PCDH7: variants seen among roughly 807,000 people sequenced by gnomAD.
PCDH7 encodes the protein protocadherin 7, also known as protocadherin-7.
PCDH7 carries 17 observed loss-of-function variants against 58.9 expected under a neutral mutation model. That is an observed-to-expected ratio of 0.29 (90% CI 0.20 to 0.43). The LOEUF (loss-of-function observed/expected upper bound fraction) is 0.43. Among genes scored for constraint, PCDH7 ranks in the 20% least tolerant of loss-of-function variants. The pLI is 1.00. For missense variants in PCDH7, 1,274 were observed against 1,441.0 expected (o/e 0.88, Z 1.88); for synonymous variants, 664 against 616.4 (o/e 1.08, Z -1.14).
At chr4:31,139,997 A>G (rs1720053081) in intron 3 of PCDH7, among the ~76,000 whole-genome samples, 1 of 152,220 alleles carries the variant, frequency 6.6e-6, no homozygotes, top group Admixed American at 6.5e-5. Flanking sequence ...GTTAAAAGCA[A>G]TAGAGGAAAT....
At position 30,946,114 on chromosome 4, in the gene PCDH7, A is replaced by G. The variant is rs12500942; in HGVS notation, c.288-4006A>G. 6.2e-3 allele frequency among the ~76,000 whole-genome samples: 949 copies of G among 152,176 alleles called. 31 individuals carry two copies. Among genetic ancestry groups the G allele is most frequent in the Admixed American group, 0.046 (710 of 15,274 alleles). On this transcript the variant is annotated intron_variant, in intron 2 of 3. Coordinates refer to the PCDH7 transcript ENST00000509759. ...TTCGAGAGTCAGACCCAGAATGAAA[A>G]TCTCTGATTTTTCCAATTGTAAGAG...
intron 3 of PCDH7, among the ~76,000 whole-genome samples, chr4:30,966,106 T>TA (rs1425295771): frequency 2.0e-5 from 3 of 152,194 alleles, no homozygotes; most frequent in Non-Finnish European, 4.4e-5. Flanking sequence ...AAGGGCTGCT[T>TA]AAATCAAAGG....
At chr4:30,992,822 G>A (rs1190730257) in intron 3 of PCDH7, among the ~76,000 whole-genome samples, 2 of 124,666 alleles carry the variant, frequency 1.6e-5, no homozygotes, top group Non-Finnish European at 3.2e-5. Context: ...TTTTTTTGAC[G>A]GAGTCTTGCT....
intron 1 of PCDH7, among the ~76,000 whole-genome samples, chr4:30,812,984 C>A (rs892064245): frequency 6.6e-6 from 1 of 152,182 alleles, no homozygotes; most frequent in Admixed American, 6.5e-5. Context: ...GTTGTTAACA[C>A]ATCTAGGGAG....
chr4:30,764,307 G>T (rs1462954755), intron 1 of PCDH7, among the ~76,000 whole-genome samples: 1 of 152,116 alleles, frequency 6.6e-6, no homozygotes, highest in Non-Finnish European at 1.5e-5. Flanking sequence ...AGATCAAGGT[G>T]CAATGCGTTT....
intron 1 of PCDH7, among the ~76,000 whole-genome samples, chr4:30,725,585 CAA>C (rs1328979395): frequency 6.6e-6 from 1 of 152,008 alleles, no homozygotes; most frequent in Non-Finnish European, 1.5e-5. Context: ...GTATATCTAC[CAA>C]AGTTTGCCAC....
At chr4:30,970,607 A>G (rs1367749132) in intron 3 of PCDH7, among the ~76,000 whole-genome samples, 1 of 152,174 alleles carries the variant, frequency 6.6e-6, no homozygotes, top group Non-Finnish European at 1.5e-5. Context: ...GATACCTTTT[A>G]AATATCAGAC....
At chr4:31,100,047 C>G (rs750906660) in intron 3 of PCDH7, among the ~76,000 whole-genome samples, 11 of 152,124 alleles carry the variant, frequency 7.2e-5, no homozygotes, top group Non-Finnish European at 7.4e-5. Context: ...GAGTATGGCT[C>G]TCACTCTTTC....
At chr4:31,027,897 T>C (rs1357223040) in intron 3 of PCDH7, among the ~76,000 whole-genome samples, 1 of 152,228 alleles carries the variant, frequency 6.6e-6, no homozygotes, top group Non-Finnish European at 1.5e-5. Flanking sequence ...GCTTATCCTT[T>C]ATTGGTATTT....
chr4:31,080,698 GA>G (rs1759428552), intron 3 of PCDH7, among the ~76,000 whole-genome samples: 1 of 152,172 alleles, frequency 6.6e-6, no homozygotes, highest in Admixed American at 6.5e-5. Context: ...GCTATAAAAT[GA>G]AGAGTAAACT....
At chr4:30,918,761 T>A (rs1233944847) in intron 1 of PCDH7, among the ~76,000 whole-genome samples, 2 of 152,122 alleles carry the variant, frequency 1.3e-5, no homozygotes, top group African/African-American at 4.8e-5. Context: ...AATAAGTACA[T>A]GAATTGTGAG....
In PCDH7 at chr4:30,721,996, G is replaced by C. The variant is rs1268628175; in HGVS notation, c.574G>C (p.Gly192Arg). 3.1e-6 allele frequency: 4 copies of C among 1,291,140 alleles called. No homozygotes were observed. The highest frequency in any genetic ancestry group is 3.9e-6 in the Non-Finnish European group (4 of 1,021,850). 80.0% of individuals were successfully genotyped at this position (1,291,140 alleles called of 1,614,324 possible). The change falls in exon 1 of 2, where the codon GGC (glycine) becomes CGC (arginine). Residue 192 changes from glycine to arginine, a missense_variant. By Grantham distance (125) the Gly-to-Arg change is moderately radical. Around this residue, in one of 3 missense-constraint regions of PCDH7, gnomAD observed 331 missense variants for 303.2 expected, o/e 1.09. Coordinates refer to ENST00000361762, the Ensembl canonical transcript of PCDH7. The surrounding 1 kb of genome is among the most constrained non-coding windows in gnomAD (Gnocchi z 6.7). ...CCAGGAGCCCGGAGGCGGCGGCAGC[G>C]GCGGCGAGAGCCGGCGCGCCGGGGC...
chr4:30,960,817 C>T (rs989315484), intron 3 of PCDH7, among the ~76,000 whole-genome samples: 1 of 152,090 alleles, frequency 6.6e-6, no homozygotes, highest in Non-Finnish European at 1.5e-5. Context: ...GAGAAAATAA[C>T]ACTAGGACTA....
intron 1 of PCDH7, among the ~76,000 whole-genome samples, chr4:30,837,273 C>A (rs1730601046): frequency 6.6e-6 from 1 of 152,010 alleles, no homozygotes; most frequent in Non-Finnish European, 1.5e-5. Flanking sequence ...TGGTAATGCC[C>A]TTTTAACGTT....
At chr4:30,735,030 G>T (rs563649316), downstream of PCDH7, among the ~76,000 whole-genome samples, 10 of 152,062 alleles carry the variant, frequency 6.6e-5, no homozygotes, top group African/African-American at 1.9e-4. Context: ...CTTCTCCTTG[G>T]TGGTGTAAGC....
rs538812057 is a variant in PCDH7 at position 31,090,308 on chromosome 4, A to C, written c.*8-52165A>C. Reference sequence around the variant, plus strand: ...TTTTGTGGGTACATAGTAGATGTATACATTTATGAGGTACATGAGATATTT... The same window carrying C: ...TTTTGTGGGTACATAGTAGATGTATCCATTTATGAGGTACATGAGATATTT... On this transcript the variant is annotated intron_variant, in intron 3 of 3. Coordinates refer to the PCDH7 transcript ENST00000509759. 2.0e-5 allele frequency among the ~76,000 whole-genome samples: 3 copies of C among 152,242 alleles called. No homozygotes were observed. In the South Asian group the frequency reaches 6.2e-4, roughly 31 times the overall value.
intron 2 of PCDH7, 128 bp downstream of exon 2, chr4:30,920,497 T>C: frequency 2.0e-6 from 1 of 507,496 alleles, no homozygotes; most frequent in Non-Finnish European, 3.2e-6. Flanking sequence ...AAGTGATAAA[T>C]ATTTGCTAAA....
chr4:30,740,018 T>A, intron 1 of PCDH7, among the ~76,000 whole-genome samples: 1 of 152,188 alleles, frequency 6.6e-6, no homozygotes, highest in East Asian at 1.9e-4. Context: ...ATAGTGATAA[T>A]AATGATAAAG....
chr4:30,763,013 C>T (rs570650879), intron 1 of PCDH7, among the ~76,000 whole-genome samples: 4 of 152,182 alleles, frequency 2.6e-5, no homozygotes, highest in Non-Finnish European at 5.9e-5. Flanking sequence ...GAGGCCTAGG[C>T]GGGCGGATCA....
Sources: gnomAD v4.1 joint callset for allele counts (sites outside exome capture counted in the v4.1 genomes callset) on GRCh38, gnomAD v4.1.1 for gene constraint, gnomAD v4.1.1 regional missense constraint, Gnocchi (gnomAD v3.1) non-coding constraint, MANE v1.5 for transcripts, NCBI Gene and HGNC (gene_info 2026-07-23, HGNC 2026-07-21) for gene names.